Variants in FCHSD2 observed in about 807,000 individuals in gnomAD.
FCHSD2 encodes the protein F-BAR and double SH3 domains protein 2.
FCHSD2 carries 38 observed loss-of-function variants against 108.1 expected under a neutral mutation model. The ratio of observed to expected loss-of-function variants is 0.35; its 90% CI spans 0.27 to 0.46. FCHSD2 has a LOEUF of 0.46. Among genes scored for constraint, FCHSD2 ranks in the 20% least tolerant of loss-of-function variants. The pLI, the probability that FCHSD2 is intolerant of heterozygous loss-of-function variation, is 1.00. For missense variants in FCHSD2, 751 were observed against 897.8 expected (o/e 0.84, Z 2.09); for synonymous variants, 279 against 314.7 (o/e 0.89, Z 1.20).
Position 72,860,048 on chromosome 11 carries a change from T to G in FCHSD2, c.1308+7817A>C, listed in dbSNP as rs147862583. ...CCATCTCAGATCATCAGGTATTAGA[T>G]TCTCATAAGGAGGGTCCAACCTAGA... is the stretch of plus-strand genomic sequence containing the variant. On this transcript the variant is annotated intron_variant, in intron 13 of 19. Coordinates refer to ENST00000409418, the MANE Select transcript of FCHSD2 (RefSeq NM_014824.3). Among the ~76,000 whole-genome samples the G allele has an allele frequency of 5.3e-5, 8 of 152,312 alleles. No individual in the cohort carries two copies. The East Asian group carries it at 1.5e-3, about 29-fold the overall frequency.
chr11:73,035,039 T>C (rs942278543), intron 3 of FCHSD2, among the ~76,000 whole-genome samples: 7 of 152,218 alleles, frequency 4.6e-5, no homozygotes, highest in Non-Finnish European at 4.4e-5. Context: ...GATTCTGATA[T>C]GCAGCCACTA....
At chr11:73,094,374 T>A (rs1472473023) in intron 2 of FCHSD2, among the ~76,000 whole-genome samples, 1 of 152,184 alleles carries the variant, frequency 6.6e-6, no homozygotes, top group Non-Finnish European at 1.5e-5. Flanking sequence ...CTTACATAAT[T>A]AAACTTACAT....
intron 3 of FCHSD2, among the ~76,000 whole-genome samples, chr11:73,080,296 C>CAAAAAAAAAAAAAA (rs370633105): frequency 3.8e-5 from 2 of 52,252 alleles, no homozygotes; most frequent in African/African-American, 1.2e-4. Context: ...GACCCTGTCT[C>CAAAAAAAAAAAAAA]AAAAAAAAAA....
chr11:72,893,569 C>T (rs1471476887), intron 10 of FCHSD2, among the ~76,000 whole-genome samples: 1 of 152,174 alleles, frequency 6.6e-6, no homozygotes, highest in Non-Finnish European at 1.5e-5. Flanking sequence ...CCTGCCTTGA[C>T]CTCCCAAAGT....
Position 73,060,908 on chromosome 11 carries a change from C to T in FCHSD2, c.165+22787G>A, listed in dbSNP as rs117386734. ...TGAAACCAGGCACTATAGTGAGATT[C>T]CCGTGTTCATGAAGGAAGGCTGAAA... is the stretch of plus-strand genomic sequence containing the variant. On this transcript the variant is annotated intron_variant, in intron 3 of 19. Coordinates refer to ENST00000409418, the MANE Select transcript of FCHSD2 (RefSeq NM_014824.3). Among the ~76,000 whole-genome samples, 4 of 152,270 alleles carry T rather than the reference C, an allele frequency of 2.6e-5. No homozygotes were observed. The East Asian group carries it at 7.7e-4, about 29-fold the overall frequency.
chr11:73,107,208 C>T (rs1860366251), intron 2 of FCHSD2, among the ~76,000 whole-genome samples: 1 of 152,148 alleles, frequency 6.6e-6, no homozygotes, highest in African/African-American at 2.4e-5. Context: ...GCATGCGCCA[C>T]CATACCCAGC....
intron 8 of FCHSD2, among the ~76,000 whole-genome samples, chr11:72,982,228 GT>G (rs531610909): frequency 2.0e-5 from 3 of 152,170 alleles, no homozygotes; most frequent in Non-Finnish European, 4.4e-5. Flanking sequence ...CAACACTCTT[GT>G]TTTTGCCTGA....
At chr11:73,131,728 T>G (rs966296495) in intron 2 of FCHSD2, among the ~76,000 whole-genome samples, 13 of 151,728 alleles carry the variant, frequency 8.6e-5, no homozygotes, top group Non-Finnish European at 1.3e-4. Context: ...ATTAAAAAAT[T>G]TAAAAAATAA....
At chr11:73,108,964 T>C (rs1860416402) in intron 2 of FCHSD2, among the ~76,000 whole-genome samples, 2 of 152,214 alleles carry the variant, frequency 1.3e-5, no homozygotes, top group South Asian at 4.1e-4. Flanking sequence ...ATATTCAGTT[T>C]TTCCAGCACC....
At position 73,110,054 on chromosome 11, in the gene FCHSD2, A is replaced by T. The variant is rs987317003; in HGVS notation, c.120-26314T>A. 4.6e-5 allele frequency among the ~76,000 whole-genome samples: 7 copies of T among 151,874 alleles called. No individual in the cohort carries two copies. The East Asian group carries it at 9.6e-4, about 21-fold the overall frequency. Reference sequence around the variant, plus strand: ...GATATATCTCATTTGATCATGATCAATTTTCCTTTAATGTATTATTGAGTT... The same window carrying T: ...GATATATCTCATTTGATCATGATCATTTTTCCTTTAATGTATTATTGAGTT... On this transcript the variant is annotated intron_variant, in intron 2 of 19. Coordinates refer to ENST00000409418, the MANE Select transcript of FCHSD2 (RefSeq NM_014824.3).
At chr11:72,867,842 A>C in intron 13 of FCHSD2, 23 bp downstream of exon 13, 1 of 1,601,770 alleles carries the variant, frequency 6.2e-7, no homozygotes, top group Non-Finnish European at 8.5e-7. Context: ...TCAACTTGTC[A>C]TATCCAAGAA....
At chr11:72,891,922 T>C (rs148569492) in intron 10 of FCHSD2, among the ~76,000 whole-genome samples, 9 of 152,342 alleles carry the variant, frequency 5.9e-5, no homozygotes, top group Admixed American at 4.6e-4. Context: ...AAAGACCCAA[T>C]TGAAAATTAC....
At chr11:73,087,296 ATG>A (rs775647990) in intron 2 of FCHSD2, among the ~76,000 whole-genome samples, 11 of 152,186 alleles carry the variant, frequency 7.2e-5, no homozygotes, top group Non-Finnish European at 1.5e-4. Context: ...GTTGTACAAT[ATG>A]TGTTTTAAGC....
intron 5 of FCHSD2, among the ~76,000 whole-genome samples, chr11:72,994,531 G>A (rs1475487329): frequency 6.6e-6 from 1 of 152,148 alleles, no homozygotes; most frequent in Non-Finnish European, 1.5e-5. Flanking sequence ...CCATTAAAGT[G>A]TGTACCCTAG....
At chr11:73,053,338 T>A (rs934173328) in intron 3 of FCHSD2, among the ~76,000 whole-genome samples, 21 of 152,264 alleles carry the variant, frequency 1.4e-4, no homozygotes, top group African/African-American at 4.8e-4. Flanking sequence ...ATAATTTAAA[T>A]TTAACTGTAA....
chr11:72,943,131 A>G (rs1429786156), intron 8 of FCHSD2, among the ~76,000 whole-genome samples: 2 of 152,146 alleles, frequency 1.3e-5, no homozygotes, highest in African/African-American at 4.8e-5. Flanking sequence ...AGCTAGGATT[A>G]CAGGCGCGTG....
intron 9 of FCHSD2, among the ~76,000 whole-genome samples, chr11:72,916,583 G>C (rs966630858): frequency 6.6e-6 from 1 of 152,134 alleles, no homozygotes; most frequent in Non-Finnish European, 1.5e-5. Flanking sequence ...CCAAAGTATT[G>C]GGATTACAAG....
At chr11:73,097,922 C>T (rs1860129822) in intron 2 of FCHSD2, among the ~76,000 whole-genome samples, 1 of 152,170 alleles carries the variant, frequency 6.6e-6, no homozygotes, top group Non-Finnish European at 1.5e-5. Flanking sequence ...GATCCTCCTG[C>T]CTCGGCCTCC....
intron 13 of FCHSD2, among the ~76,000 whole-genome samples, chr11:72,857,740 G>A (rs766208023): frequency 2.6e-4 from 40 of 151,890 alleles, no homozygotes; most frequent in East Asian, 3.9e-4. Flanking sequence ...ATGAGCCACC[G>A]CGCCCGGCCA....
Sources: allele counts gnomAD v4.1 joint callset (sites outside exome capture counted in the v4.1 genomes callset), GRCh38; gene constraint gnomAD v4.1.1; transcripts MANE v1.5; gene names NCBI Gene and HGNC (gene_info 2026-07-23, HGNC 2026-07-21).